The following PCDH15 variants were observed in gnomAD, a reference collection of about 807,000 sequenced individuals.
PCDH15 encodes the protein protocadherin related 15.
PCDH15 carries 129 observed loss-of-function variants against 178.5 expected under a neutral mutation model. The ratio of observed to expected loss-of-function variants is 0.72; its 90% CI spans 0.63 to 0.84. PCDH15 has a LOEUF of 0.84. Among genes scored for constraint, PCDH15 ranks in the 40% least tolerant of loss-of-function variants. The probability of loss-of-function intolerance (pLI) is 0.00; values close to 1 mark genes in which losing one functional copy is unlikely to be tolerated. For synonymous variants in PCDH15, 800 were observed against 732.0 expected (o/e 1.09, Z -1.50); for missense variants, 2,230 against 2,099.9 (o/e 1.06, Z -1.21).
At position 54,189,236 on chromosome 10, in the gene PCDH15, T is replaced by C. The variant is rs1443960608; in HGVS notation, c.1306-3968A>G. ...AGTATATTTAAATTTATATAAAGTATTTGTAGATATCCTTATAAGGGATAA... is the reference window on the plus strand; with the variant it reads ...AGTATATTTAAATTTATATAAAGTACTTGTAGATATCCTTATAAGGGATAA... On this transcript the variant is annotated intron_variant, in intron 11 of 37. Coordinates refer to ENST00000644397, the MANE Select transcript of PCDH15 (RefSeq NM_001384140.1). 3 of 608,776 alleles carry C rather than the reference T, an allele frequency of 4.9e-6. No individual in the cohort carries two copies. The East Asian group carries it at 8.9e-5, about 18-fold the overall frequency. The allele number at this position is 608,776 out of a possible 1,614,324, so 37.7% of individuals were successfully genotyped here.
At chr10:55,486,058 G>A (rs1840290396) in intron 2 of PCDH15, among the ~76,000 whole-genome samples, 1 of 151,698 alleles carries the variant, frequency 6.6e-6, no homozygotes, top group African/African-American at 2.4e-5. Context: ...TACTGGGAGG[G>A]CACTCCTGGA....
chr10:54,775,610 T>C (rs1185476792), intron 1 of PCDH15, among the ~76,000 whole-genome samples: 1 of 152,210 alleles, frequency 6.6e-6, no homozygotes, highest in African/African-American at 2.4e-5. Flanking sequence ...CCTTAACAAA[T>C]ATCTCGGCCG....
intron 8 of PCDH15, among the ~76,000 whole-genome samples, chr10:54,262,926 G>T (rs1005144451): frequency 6.6e-6 from 1 of 152,200 alleles, no homozygotes; most frequent in African/African-American, 2.4e-5. Flanking sequence ...GGTTAGGGGA[G>T]TGTGAGCTAG....
At chr10:54,550,595 T>G (rs2086459616) in intron 2 of PCDH15, among the ~76,000 whole-genome samples, 2 of 152,094 alleles carry the variant, frequency 1.3e-5, no homozygotes, top group African/African-American at 4.8e-5. Context: ...AAGCTGGCCT[T>G]CCATGAAAAT....
chr10:53,994,455 G>A (rs2091721890), intron 21 of PCDH15: 1 of 152,066 alleles, frequency 6.6e-6, no homozygotes, highest in African/African-American at 2.4e-5. Flanking sequence ...AAAACTGGTT[G>A]CCACAATGAC....
intron 2 of PCDH15, among the ~76,000 whole-genome samples, chr10:55,473,594 A>G (rs545594027): frequency 6.6e-6 from 1 of 152,324 alleles, no homozygotes; most frequent in African/African-American, 2.4e-5. Context: ...GACAGTATTC[A>G]CATAGAACAG....
chr10:54,165,604 C>G (rs981181948), intron 13 of PCDH15, among the ~76,000 whole-genome samples: 1 of 152,250 alleles, frequency 6.6e-6, no homozygotes, highest in South Asian at 2.1e-4. Context: ...ATCAAATTCT[C>G]TCATGCCCAA....
At chr10:55,592,608 T>G (rs1403791197) in intron 2 of PCDH15, among the ~76,000 whole-genome samples, 1 of 152,160 alleles carries the variant, frequency 6.6e-6, no homozygotes, top group Non-Finnish European at 1.5e-5. Context: ...TATTCCATGT[T>G]TCTCAAGTTA....
chr10:55,259,211 T>G (rs1362407593), intron 1 of PCDH15, among the ~76,000 whole-genome samples: 3 of 152,192 alleles, frequency 2.0e-5, no homozygotes, highest in African/African-American at 7.2e-5. Flanking sequence ...ACAAGAGTCT[T>G]TGCTTCAGGA....
chr10:53,934,733 G>A (rs988206636), intron 25 of PCDH15, among the ~76,000 whole-genome samples: 1 of 151,988 alleles, frequency 6.6e-6, no homozygotes, highest in Middle Eastern at 3.2e-3. Flanking sequence ...TTCATGGCTA[G>A]GCCTGTTAAA....
At chr10:54,200,663 A>C (rs1410926922) in intron 10 of PCDH15, among the ~76,000 whole-genome samples, 2 of 152,028 alleles carry the variant, frequency 1.3e-5, no homozygotes, top group Non-Finnish European at 2.9e-5. Flanking sequence ...TTCAGTCCTT[A>C]TCTTACTTGA....
intron 2 of PCDH15, among the ~76,000 whole-genome samples, chr10:55,460,284 T>G (rs945973074): frequency 1.3e-5 from 2 of 152,076 alleles, no homozygotes; most frequent in Admixed American, 6.6e-5. Context: ...ATTATTATCA[T>G]GTGTATTGGG....
intron 2 of PCDH15, among the ~76,000 whole-genome samples, chr10:55,083,099 A>G (rs1454371292): frequency 6.6e-6 from 1 of 151,900 alleles, no homozygotes; most frequent in East Asian, 1.9e-4. Flanking sequence ...GATACGTCAA[A>G]TAGAAAACTA....
chr10:54,796,812 T>C (rs1434557430), intron 1 of PCDH15, among the ~76,000 whole-genome samples: 2 of 152,026 alleles, frequency 1.3e-5, no homozygotes, highest in Non-Finnish European at 2.9e-5. Context: ...GATGTAAGAT[T>C]CTAAAGTAAT....
At chr10:54,765,972 T>C (rs1948462325) in intron 1 of PCDH15, among the ~76,000 whole-genome samples, 2 of 152,156 alleles carry the variant, frequency 1.3e-5, no homozygotes, top group Admixed American at 1.3e-4. Context: ...CACTAAATAC[T>C]CCATGATCTG....
At chr10:53,953,216 T>C (rs544712696) in intron 23 of PCDH15, among the ~76,000 whole-genome samples, 4 of 152,370 alleles carry the variant, frequency 2.6e-5, no homozygotes, top group Admixed American at 2.0e-4. Flanking sequence ...TATGAAGAGA[T>C]ATATATTTCA....
At chr10:54,044,773 A>C (rs144811929) in intron 18 of PCDH15, among the ~76,000 whole-genome samples, 2,496 of 152,258 alleles carry the variant, frequency 0.016, 65 homozygotes, top group African/African-American at 0.052. Flanking sequence ...TAATCTAAAA[A>C]CATCAAAATC....
chr10:54,343,956 T>G (rs1942765022), intron 6 of PCDH15, among the ~76,000 whole-genome samples: 1 of 152,138 alleles, frequency 6.6e-6, no homozygotes, highest in South Asian at 2.1e-4. Context: ...TGAAATGTTA[T>G]TATTTTGACT....
At chr10:54,888,449 G>A (rs955903090) in intron 3 of PCDH15, among the ~76,000 whole-genome samples, 1 of 151,770 alleles carries the variant, frequency 6.6e-6, no homozygotes, top group Admixed American at 6.6e-5. Context: ...CTAGTTCTTG[G>A]TGGACATTTT....
Sources: allele counts gnomAD v4.1 joint callset (sites outside exome capture counted in the v4.1 genomes callset), GRCh38; gene constraint gnomAD v4.1.1; transcripts MANE v1.5; gene names NCBI Gene and HGNC (gene_info 2026-07-23, HGNC 2026-07-21).